Variants in CSMD1 observed in about 807,000 individuals in gnomAD.
CSMD1 encodes the protein CUB and Sushi multiple domains 1.
Under a neutral mutation model 417.5 loss-of-function variants are expected in CSMD1, and 213 were observed. The ratio of observed to expected loss-of-function variants is 0.51; its 90% CI spans 0.46 to 0.57. The LOEUF is 0.57. Among genes scored for constraint, CSMD1 ranks in the 20% least tolerant of loss-of-function variants. The pLI is 0.00. For synonymous variants in CSMD1, 2,862 were observed against 1,736.8 expected, an observed-to-expected ratio of 1.65 and a Z score of -16.11; for missense variants, 6,923 against 4,529.7, an observed-to-expected ratio of 1.53 and a Z score of -15.17.
chr8:3,262,227 A>ATATG (rs1245453328), intron 26 of CSMD1, among the ~76,000 whole-genome samples: 3 of 127,420 alleles, frequency 2.4e-5, no homozygotes, highest in African/African-American at 9.5e-5. Context: ...ATATATATAT[A>ATATG]TATACACACA....
chr8:3,298,189 G>A (rs551828438), intron 25 of CSMD1, among the ~76,000 whole-genome samples: 3 of 152,268 alleles, frequency 2.0e-5, no homozygotes, highest in Admixed American at 1.3e-4. Context: ...ACCTAATACT[G>A]TGGAAGGTAG....
chr8:4,863,063 A>G (rs1347757311), intron 1 of CSMD1, among the ~76,000 whole-genome samples: 1 of 152,068 alleles, frequency 6.6e-6, no homozygotes, highest in African/African-American at 2.4e-5. Flanking sequence ...GTCCCTGGTG[A>G]TTCTGGTGAA....
chr8:4,298,652 A>G (rs920292927), intron 3 of CSMD1, among the ~76,000 whole-genome samples: 9 of 152,158 alleles, frequency 5.9e-5, no homozygotes, highest in Non-Finnish European at 1.3e-4. Flanking sequence ...TAGTTTTAAT[A>G]CAGTTCTAAG....
chr8:3,949,465 A>C (rs1446224548), intron 5 of CSMD1, among the ~76,000 whole-genome samples: 2 of 152,302 alleles, frequency 1.3e-5, no homozygotes, highest in African/African-American at 4.8e-5. Flanking sequence ...GATACATTTT[A>C]AGCACCAATA....
chr8:4,088,165 T>C (rs1323350272), intron 3 of CSMD1, among the ~76,000 whole-genome samples: 1 of 152,170 alleles, frequency 6.6e-6, no homozygotes, highest in Admixed American at 6.5e-5. Context: ...AAGACATGAA[T>C]ATTCTTCCCG....
intron 3 of CSMD1, among the ~76,000 whole-genome samples, chr8:4,261,795 T>C (rs545095324): frequency 5.2e-4 from 79 of 152,274 alleles, no homozygotes; most frequent in African/African-American, 1.7e-3. Context: ...TTGATAATGG[T>C]AATCATTTCT....
chr8:3,890,510 G>A lies in CSMD1; in HGVS notation c.818+107393C>T, dbSNP rs547711164. On this transcript the variant is annotated intron_variant, in intron 5 of 69. Transcript: ENST00000635120. The stretch of plus-strand genomic sequence containing the variant: ...TGAAGGAAGGCATTGAGGCACACTT[G>A]CAGGACTCGGTGGGGAACAAAATAA... 2.0e-5 allele frequency among the ~76,000 whole-genome samples: 3 copies of A among 152,102 alleles called. No individual in the cohort carries two copies. The East Asian group carries it at 5.8e-4, about 29-fold the overall frequency.
intron 10 of CSMD1, among the ~76,000 whole-genome samples, chr8:3,511,051 T>C (rs1394077345): frequency 6.6e-6 from 1 of 151,616 alleles, no homozygotes; most frequent in Non-Finnish European, 1.5e-5. Flanking sequence ...TATGCAGCAA[T>C]AAAAAAGGAT....
intron 25 of CSMD1, among the ~76,000 whole-genome samples, chr8:3,291,214 G>A (rs904593076): frequency 2.6e-5 from 4 of 152,086 alleles, no homozygotes; most frequent in Admixed American, 6.6e-5. Flanking sequence ...ATGTATTGCT[G>A]GATTCCATTT....
chr8:3,864,097 C>T (rs970874115), intron 5 of CSMD1, among the ~76,000 whole-genome samples: 3 of 152,008 alleles, frequency 2.0e-5, no homozygotes, highest in African/African-American at 7.3e-5. Flanking sequence ...AATATTTTCA[C>T]CTGATTTTTA....
chr8:3,851,902 C>T (rs114922245), intron 5 of CSMD1, among the ~76,000 whole-genome samples: 59 of 151,872 alleles, frequency 3.9e-4, no homozygotes, highest in Admixed American at 3.5e-3. Context: ...GAGATTCTGG[C>T]GGGGTAGAAG....
intron 3 of CSMD1, among the ~76,000 whole-genome samples, chr8:4,322,209 C>T (rs1249427638): frequency 6.6e-6 from 1 of 152,094 alleles, no homozygotes; most frequent in African/African-American, 2.4e-5. Flanking sequence ...TCTATGGTTC[C>T]ATATAGATAA....
chr8:4,176,542 C>G (rs949562204), intron 3 of CSMD1, among the ~76,000 whole-genome samples: 1 of 152,034 alleles, frequency 6.6e-6, no homozygotes, highest in Non-Finnish European at 1.5e-5. Flanking sequence ...ATTCTGATCC[C>G]TACTAATATA....
chr8:4,992,925 C>A (rs1004758265), intron 1 of CSMD1, among the ~76,000 whole-genome samples: 1 of 152,158 alleles, frequency 6.6e-6, no homozygotes, highest in African/African-American at 2.4e-5. Context: ...AGGGTGGATG[C>A]CGGTGAGGAG....
chr8:4,342,336 C>T (rs1301030424), intron 3 of CSMD1, among the ~76,000 whole-genome samples: 1 of 152,034 alleles, frequency 6.6e-6, no homozygotes, highest in East Asian at 1.9e-4. Context: ...AGGTATTACA[C>T]ACACAGAAAA....
At chr8:4,346,344 G>A (rs1454388267) in intron 3 of CSMD1, among the ~76,000 whole-genome samples, 1 of 152,130 alleles carries the variant, frequency 6.6e-6, no homozygotes, top group East Asian at 1.9e-4. Context: ...AAGCAGCCAT[G>A]CCCATCTATT....
At chr8:3,753,201 G>C (rs1055980222) in intron 6 of CSMD1, among the ~76,000 whole-genome samples, 4 of 152,188 alleles carry the variant, frequency 2.6e-5, no homozygotes, top group Non-Finnish European at 2.9e-5. Context: ...CTTTGATTGG[G>C]AAGGTCCATT....
intron 1 of CSMD1, chr8:4,787,531 T>C: frequency 1.5e-6 from 2 of 1,301,084 alleles, no homozygotes; most frequent in Non-Finnish European, 2.2e-6. Flanking sequence ...AAGCAGGTAT[T>C]AAAACTGCCT....
intron 54 of CSMD1, among the ~76,000 whole-genome samples, chr8:2,981,105 G>A (rs1337765957): frequency 6.6e-6 from 1 of 152,130 alleles, no homozygotes; most frequent in African/African-American, 2.4e-5. Context: ...GCAACTATGT[G>A]CTGGAGGAAA....
Sources: gnomAD v4.1 joint callset for allele counts (sites outside exome capture counted in the v4.1 genomes callset) on GRCh38, gnomAD v4.1.1 for gene constraint, MANE v1.5 for transcripts, NCBI Gene and HGNC (gene_info 2026-07-23, HGNC 2026-07-21) for gene names.